The following NISCH variants were observed in gnomAD, a reference collection of about 807,000 sequenced individuals.
NISCH encodes I-1 receptor candidate protein.
NISCH carries 55 observed loss-of-function variants against 138.4 expected under a neutral mutation model. The observed-to-expected ratio is 0.40, with a 90% CI of 0.32 to 0.50. The LOEUF is 0.50. Ranked by LOEUF, NISCH falls within the 20% of genes least tolerant of loss-of-function variation. NISCH has a pLI of 0.71. For synonymous variants in NISCH, 860 were observed against 861.5 expected, an observed-to-expected ratio of 1.00 and a Z score of 0.03; for missense variants, 1,643 against 2,005.5, an observed-to-expected ratio of 0.82 and a Z score of 3.45.
At chr3:52,464,517 C>T (rs13071806) in intron 3 of NISCH, among the ~76,000 whole-genome samples, 126 of 75,782 alleles carry the variant, frequency 1.7e-3, no homozygotes, top group South Asian at 2.8e-3. Context: ...TGTGAGTTGT[C>T]TTTTTTTTTT....
rs1707557363 is a variant in NISCH at position 52,491,355 on chromosome 3, C to T, written c.3746C>T (p.Ser1249Phe). ...LFDQHFRLTG[S>F]TPMQVVTCLT... ...TGACCAGCCCCTTCTCGTGCAGGTT[C>T]CACCCCGATGCAGGTGGTCACGTGC... The change falls in exon 20 of 21, where the codon TCC (serine) becomes TTC (phenylalanine). Residue 1249 changes from serine (S) to phenylalanine (F), a missense_variant. By Grantham distance (155) the Ser-to-Phe change is radical (BLOSUM62 -2). Transcript: ENST00000345716. 2 of 1,610,836 alleles carry T rather than the reference C, an allele frequency of 1.2e-6. No homozygotes were observed. The highest frequency in any genetic ancestry group is 1.7e-5 in the Admixed American group (1 of 59,808).
At chr3:52,461,070 T>TCGC (rs759166336) in intron 3 of NISCH, among the ~76,000 whole-genome samples, 56 of 152,090 alleles carry the variant, frequency 3.7e-4, no homozygotes, top group Non-Finnish European at 6.6e-4. Context: ...CGAAACCCTG[T>TCGC]CGCTACTAAA....
At chr3:52,464,706 G>T (rs1452984202) in intron 3 of NISCH, among the ~76,000 whole-genome samples, 1 of 151,976 alleles carries the variant, frequency 6.6e-6, no homozygotes, top group African/African-American at 2.4e-5. Context: ...TGTATTTTTA[G>T]TAGAGATGGG....
In NISCH at chr3:52,455,736, T is replaced by G; in HGVS notation, c.93+2T>G. 7.4e-7 allele frequency: 1 copy of G among 1,352,210 alleles called. No homozygotes were observed. The highest frequency in any genetic ancestry group is 2.2e-5 in the South Asian group (1 of 45,722). 83.8% of individuals were successfully genotyped at this position (1,352,210 alleles called of 1,614,324 possible). A position where few individuals can be genotyped will look rare whatever the true frequency, so the allele number is the denominator to read the frequency against. On this transcript the variant is annotated splice_donor_variant, in intron 1 of 20. Transcript: ENST00000345716. LOFTEE classifies it high-confidence loss of function. Reference sequence around the variant, plus strand: ...TCGGAGCTTGTGGACACTTATACGGTGTGTTGGGGGCGCGGGCACCCGAAG... The same window carrying G: ...TCGGAGCTTGTGGACACTTATACGGGGTGTTGGGGGCGCGGGCACCCGAAG...
intron 13 of NISCH, among the ~76,000 whole-genome samples, chr3:52,483,860 C>T (rs779334849): frequency 1.3e-5 from 2 of 152,244 alleles, no homozygotes; most frequent in Non-Finnish European, 2.9e-5. Flanking sequence ...AAACTCTTCT[C>T]TGGATGGGTG....
chr3:52,476,409 G>A (rs1439594578), intron 7 of NISCH, 38 bp from the exon 8 acceptor site: 1 of 1,607,910 alleles, frequency 6.2e-7, no homozygotes, highest in South Asian at 1.1e-5. Flanking sequence ...TTGCGTGAGG[G>A]CCCGAGTGTG....
intron 8 of NISCH, 43 bp from the exon 9 acceptor site, chr3:52,477,531 C>T: frequency 1.3e-6 from 2 of 1,559,542 alleles, no homozygotes; most frequent in Non-Finnish European, 1.8e-6. Context: ...TGTTTGGGGT[C>T]CAGCCCCCTA....
In NISCH at chr3:52,490,839, T is replaced by C; in HGVS notation, c.3742+6T>C. On this transcript the variant is annotated splice_donor_region_variant and intron_variant, in intron 19 of 20. Coordinates refer to ENST00000345716, the MANE Select transcript of NISCH (RefSeq NM_007184.4). ...CCAGCATTTCCGGCTGACGGGTGGG[T>C]GACCCTCTGTGCTTTGTCCTATTTC... 6.2e-7 allele frequency: 1 copy of C among 1,614,080 alleles called. No individual in the cohort carries two copies. The highest frequency in any genetic ancestry group is 8.5e-7 in the Non-Finnish European group (1 of 1,179,944).
Position 52,480,011 on chromosome 3 carries a change from C to T in NISCH, c.1416+149C>T. 5 of 945,758 alleles carry T rather than the reference C, an allele frequency of 5.3e-6. No homozygotes were observed. The South Asian group carries it at 6.2e-5, about 12-fold the overall frequency. 58.6% of individuals were successfully genotyped at this position (945,758 alleles called of 1,614,324 possible). ...TGCATGACCTCGGGCAAGTCGCGGC[C>T]TCTCTGTTCTCTGTGGGGTGGGGAC... On this transcript the variant is annotated intron_variant, in intron 12 of 20. Transcript: ENST00000345716.
intron 1 of NISCH, 136 bp downstream of exon 1, chr3:52,455,870 TG>T: frequency 1.7e-6 from 1 of 573,506 alleles, no homozygotes; most frequent in Non-Finnish European, 2.6e-6. Context: ...AGGAGGGGGC[TG>T]GGACGGGGGA....
intron 13 of NISCH, 51 bp from the exon 14 acceptor site, chr3:52,484,462 T>TGGGGGCCC: frequency 2.2e-5 from 17 of 788,670 alleles, no homozygotes; most frequent in Non-Finnish European, 2.9e-5. Context: ...ACAGCCGCTC[T>TGGGGGCCC]CCCCGCCCCA....
chr3:52,488,679 T>C, intron 16 of NISCH, 74 bp downstream of exon 16: 4 of 1,288,070 alleles, frequency 3.1e-6, no homozygotes, highest in Non-Finnish European at 4.2e-6. Context: ...CATCTGCGGC[T>C]AGTGTGGGCT....
intron 3 of NISCH, among the ~76,000 whole-genome samples, chr3:52,466,550 CAAG>C (rs1706785015): frequency 1.7e-5 from 2 of 119,922 alleles, no homozygotes; most frequent in Non-Finnish European, 3.4e-5. Flanking sequence ...GGTGACAGGG[CAAG>C]ACTCCATCTC....
At chr3:52,486,076 G>A (rs1663940349) in intron 15 of NISCH, among the ~76,000 whole-genome samples, 1 of 152,226 alleles carries the variant, frequency 6.6e-6, no homozygotes, top group African/African-American at 2.4e-5. Context: ...GCCTGTGTGT[G>A]GCCCACAGCC....
Position 52,481,242 on chromosome 3 carries a change from A to T in NISCH, c.1528+947A>T, listed in dbSNP as rs548395329. 29 of 1,097,272 alleles carry T rather than the reference A, an allele frequency of 2.6e-5. No individual in the cohort carries two copies. In the South Asian group the frequency reaches 1.0e-3, roughly 39 times the overall value. 68.0% of individuals were successfully genotyped at this position (1,097,272 alleles called of 1,614,324 possible). ...TGAGAGGGAGAGTCGGCTGTGGTGC[A>T]GAATGCTCAGCAGCCCTCCCAGCAG... On this transcript the variant is annotated intron_variant, in intron 13 of 20. Coordinates refer to ENST00000345716, the MANE Select transcript of NISCH (RefSeq NM_007184.4).
At chr3:52,459,861 C>T (rs1394882754) in intron 3 of NISCH, among the ~76,000 whole-genome samples, 1 of 151,220 alleles carries the variant, frequency 6.6e-6, no homozygotes, top group Non-Finnish European at 1.5e-5. Flanking sequence ...TAAGGACAAC[C>T]CTAAAGTCTA....
chr3:52,488,739 C>G lies in NISCH; in HGVS notation c.3113+134C>G, dbSNP rs572662813. On this transcript the variant is annotated intron_variant, in intron 16 of 20. Transcript: ENST00000345716. ...CCCTCCCCCCCTGCCCCTCGCCCCC[C>G]CCGGGCCTCCCTCTACATCACCACC... 7.1e-4 allele frequency: 514 copies of G among 728,276 alleles called. 6 individuals are homozygous for G. The South Asian group carries it at 8.2e-3, about 12-fold the overall frequency. 45.1% of individuals were successfully genotyped at this position (728,276 alleles called of 1,614,324 possible). A position where few individuals can be genotyped will look rare whatever the true frequency, so the allele number is the denominator to read the frequency against.
rs1224609423 is a variant in NISCH at position 52,479,764 on chromosome 3, A to G, written c.1318A>G (p.Thr440Ala). 1 of 1,613,188 alleles carries G rather than the reference A, an allele frequency of 6.2e-7. No homozygotes were observed. The highest frequency in any genetic ancestry group is 1.7e-5 in the Admixed American group (1 of 59,836). Residue 440 changes from threonine (T) to alanine (A), a missense_variant, in exon 12 of 21, where the codon ACA (threonine) becomes GCA (alanine). Coordinates refer to ENST00000345716, the MANE Select transcript of NISCH (RefSeq NM_007184.4). ...ERASEVCLDDTVTTEKELDTV... is the reference protein window; with the variant it reads ...ERASEVCLDDAVTTEKELDTV... ...GATGCTCTAGGTCTGTCTGGATGAC[A>G]CAGTGACCACAGAGAAGGAGCTGGA...
chr3:52,478,701 C>T (rs755723802), intron 11 of NISCH, 124 bp downstream of exon 11: 6 of 872,660 alleles, frequency 6.9e-6, no homozygotes, highest in Non-Finnish European at 1.1e-5. Flanking sequence ...AGGTCCTGTC[C>T]CTTAGGGGCT....
Sources: allele counts gnomAD v4.1 joint callset (sites outside exome capture counted in the v4.1 genomes callset), GRCh38; gene constraint gnomAD v4.1.1; transcripts MANE v1.5; gene names NCBI Gene and HGNC (gene_info 2026-07-23, HGNC 2026-07-21).